Variants in PSMA1 observed in about 807,000 individuals in gnomAD.
PSMA1 encodes proteasome 20S subunit alpha 1.
Under a neutral mutation model 38.4 loss-of-function variants are expected in PSMA1, and 3 were observed. The ratio of observed to expected loss-of-function variants is 0.08; its 90% CI spans 0.04 to 0.20. PSMA1 has a LOEUF of 0.20. PSMA1 is among the 10% of genes least tolerant of loss of function. The probability of loss-of-function intolerance (pLI) is 1.00; values close to 1 mark genes in which losing one functional copy is unlikely to be tolerated. For missense variants in PSMA1, 227 were observed against 325.3 expected, an observed-to-expected ratio of 0.70 and a Z score of 2.32; for synonymous variants, 101 against 107.1, an observed-to-expected ratio of 0.94 and a Z score of 0.35.
intron 2 of PSMA1, among the ~76,000 whole-genome samples, chr11:14,599,121 G>T (rs1025058060): frequency 6.6e-6 from 1 of 152,120 alleles, no homozygotes. Context: ...TTAGTCTGAT[G>T]GGCTTCCCTT....
chr11:14,555,607 C>T (rs1851934096), intron 2 of PSMA1, among the ~76,000 whole-genome samples: 1 of 152,128 alleles, frequency 6.6e-6, no homozygotes, highest in Non-Finnish European at 1.5e-5. Flanking sequence ...CATCTTTAGC[C>T]ATTTCTTCTG....
At chr11:14,538,226 T>C (rs1467634915) in intron 2 of PSMA1, among the ~76,000 whole-genome samples, 1 of 152,222 alleles carries the variant, frequency 6.6e-6, no homozygotes, top group Non-Finnish European at 1.5e-5. Flanking sequence ...TGTGTGTACA[T>C]TGCTGTCTCC....
chr11:14,517,771 A>G, intron 3 of PSMA1, 26 bp from the exon 4 acceptor site: 1 of 186,638 alleles, frequency 5.4e-6, no homozygotes, highest in Non-Finnish European at 6.7e-6. Flanking sequence ...ATAAGATGTA[A>G]AAAAAAAAAA....
At chr11:14,586,229 C>T (rs540508209) in intron 2 of PSMA1, among the ~76,000 whole-genome samples, 7 of 152,142 alleles carry the variant, frequency 4.6e-5, no homozygotes, top group Admixed American at 1.3e-4. Context: ...GCCAGGAATT[C>T]GAGAGCAGCC....
chr11:14,513,532 CAAAAAAAAA>C, intron 7 of PSMA1, 29 bp downstream of exon 7: 5 of 1,153,438 alleles, frequency 4.3e-6, no homozygotes, highest in South Asian at 2.7e-5. Context: ...CTGGAAAAGG[CAAAAAAAAA>C]AAAAAAAAAA....
chr11:14,642,007 A>G (rs573937907), intron 1 of PSMA1, among the ~76,000 whole-genome samples: 51 of 152,262 alleles, frequency 3.3e-4, no homozygotes, highest in Non-Finnish European at 6.6e-4. Flanking sequence ...CCAGACAAAA[A>G]CTCACAAAAC....
intron 2 of PSMA1, among the ~76,000 whole-genome samples, chr11:14,569,645 G>A (rs1475399599): frequency 6.6e-6 from 1 of 152,198 alleles, no homozygotes; most frequent in African/African-American, 2.4e-5. Flanking sequence ...CGGCAAGGCG[G>A]CAGCAAGGCT....
intron 1 of PSMA1, among the ~76,000 whole-genome samples, chr11:14,640,268 G>T (rs1217524336): frequency 6.6e-6 from 1 of 152,156 alleles, no homozygotes; most frequent in Non-Finnish European, 1.5e-5. Flanking sequence ...GTAAGAGAGA[G>T]AAATGGAACT....
intron 9 of PSMA1, among the ~76,000 whole-genome samples, chr11:14,506,074 G>A (rs1453498247): frequency 6.6e-6 from 1 of 152,098 alleles, no homozygotes. Flanking sequence ...TTATCAGTAA[G>A]GCTTCCAGTC....
intron 1 of PSMA1, among the ~76,000 whole-genome samples, chr11:14,629,769 T>C (rs1852973672): frequency 6.6e-6 from 1 of 150,486 alleles, no homozygotes; most frequent in Non-Finnish European, 1.5e-5. Flanking sequence ...AGTATGGCCA[T>C]TTTCACGATA....
intron 2 of PSMA1, among the ~76,000 whole-genome samples, chr11:14,537,677 G>A (rs1851725253): frequency 6.8e-6 from 1 of 147,850 alleles, no homozygotes; most frequent in Non-Finnish European, 1.5e-5. Flanking sequence ...TTATTTTAAA[G>A]ACCTAAAGGC....
chr11:14,616,328 G>C (rs987275687), intron 1 of PSMA1, among the ~76,000 whole-genome samples: 4 of 150,856 alleles, frequency 2.7e-5, no homozygotes, highest in African/African-American at 9.8e-5. Flanking sequence ...CACCTACCAG[G>C]CTCAAACTAT....
At chr11:14,555,050 A>G (rs1340761348) in intron 2 of PSMA1, among the ~76,000 whole-genome samples, 1 of 152,240 alleles carries the variant, frequency 6.6e-6, no homozygotes, top group Non-Finnish European at 1.5e-5. Context: ...AAACAGCTCT[A>G]TGAAACTTAT....
chr11:14,535,032 C>T (rs1273210736), intron 2 of PSMA1, among the ~76,000 whole-genome samples: 1 of 152,134 alleles, frequency 6.6e-6, no homozygotes, highest in African/African-American at 2.4e-5. Context: ...CGAGATTGCA[C>T]CACTGCAATC....
intron 2 of PSMA1, among the ~76,000 whole-genome samples, chr11:14,527,069 A>C (rs974314914): frequency 2.6e-5 from 4 of 152,112 alleles, no homozygotes; most frequent in African/African-American, 7.2e-5. Flanking sequence ...TTTCCTCACT[A>C]CACAAGGTCC....
chr11:14,599,550 T>C (rs1852552521), intron 2 of PSMA1, among the ~76,000 whole-genome samples: 1 of 152,374 alleles, frequency 6.6e-6, no homozygotes, highest in Non-Finnish European at 1.5e-5. Flanking sequence ...AGCTTGTGCA[T>C]GCATCACGAA....
In PSMA1 at chr11:14,506,235, T is replaced by C. The variant is rs538578082; in HGVS notation, c.736-987A>G. Among the ~76,000 whole-genome samples the C allele has an allele frequency of 5.9e-5, 9 of 152,290 alleles. No individual in the cohort carries two copies. In the South Asian group the frequency reaches 1.9e-3, roughly 32 times the overall value. ...TGAAAACCTAAATATCATTGAACAA[T>C]TCCACCATTTTATCGTACTTTGCAT... On this transcript the variant is annotated intron_variant, in intron 9 of 9. Transcript: ENST00000396394.
chr11:14,586,433 A>G (rs987878324), intron 2 of PSMA1, among the ~76,000 whole-genome samples: 1 of 149,806 alleles, frequency 6.7e-6, no homozygotes, highest in African/African-American at 2.4e-5. Flanking sequence ...CTCTGTCTCA[A>G]AAAAAAAAAG....
At position 14,514,546 on chromosome 11, in the gene PSMA1, A is replaced by G; in HGVS notation, c.255-55T>C. 2.3e-6 allele frequency: 3 copies of G among 1,285,104 alleles called. No homozygotes were observed. The South Asian group carries it at 5.0e-5, about 21-fold the overall frequency. The allele number at this position is 1,285,104 out of a possible 1,614,324, so 79.6% of individuals were successfully genotyped here. ...TTTCAAATTATAGACAACTATTCCA[A>G]TCTAAATTGTTTGATTTCACTTCAA... is the stretch of plus-strand genomic sequence containing the variant. On this transcript the variant is annotated intron_variant, in intron 4 of 9. Transcript: ENST00000396394.
Sources: gnomAD v4.1 joint callset for allele counts (sites outside exome capture counted in the v4.1 genomes callset) on GRCh38, gnomAD v4.1.1 for gene constraint, MANE v1.5 for transcripts, NCBI Gene and HGNC (gene_info 2026-07-23, HGNC 2026-07-21) for gene names.